NFASC: variants seen among roughly 807,000 people sequenced by gnomAD.
NFASC encodes the protein neurofascin, also known as neurofascin homolog.
NFASC carries 43 observed loss-of-function variants against 147.5 expected under a neutral mutation model. The ratio of observed to expected loss-of-function variants is 0.29; its 90% CI spans 0.23 to 0.38. The LOEUF (loss-of-function observed/expected upper bound fraction) is 0.38. NFASC is among the 10% of genes least tolerant of loss of function. The pLI, the probability that NFASC is intolerant of heterozygous loss-of-function variation, is 1.00. For synonymous variants in NFASC, 622 were observed against 665.5 expected (o/e 0.93, Z 1.01); for missense variants, 1,320 against 1,689.0 (o/e 0.78, Z 3.83).
At chr1:204,856,064 C>T (rs990651250) in intron 1 of NFASC, among the ~76,000 whole-genome samples, 5 of 152,190 alleles carry the variant, frequency 3.3e-5, no homozygotes, top group South Asian at 2.1e-4. Flanking sequence ...TTGGTGACAC[C>T]GCCAGTCCAC....
chr1:204,859,481 G>A (rs2076480953), intron 1 of NFASC, among the ~76,000 whole-genome samples: 1 of 152,208 alleles, frequency 6.6e-6, no homozygotes, highest in South Asian at 2.1e-4. Context: ...TATACTGTAA[G>A]CTCCATGGCA....
chr1:205,007,775 T>C (rs1230783397), intron 27 of NFASC, among the ~76,000 whole-genome samples: 1 of 151,486 alleles, frequency 6.6e-6, no homozygotes, highest in South Asian at 2.1e-4. Context: ...TGGTGGGAGG[T>C]AGGACTAGAG....
At chr1:204,946,367 C>T (rs749082444) in intron 3 of NFASC, 8 of 506,984 alleles carry the variant, frequency 1.6e-5, no homozygotes, top group Non-Finnish European at 2.8e-5. Flanking sequence ...AAGGAAGCGA[C>T]AGAGCCGGGA....
At chr1:204,977,556 G>A (rs998372564) in intron 16 of NFASC, 125 bp from the exon 17 acceptor site, 32 of 765,224 alleles carry the variant, frequency 4.2e-5, no homozygotes, top group Non-Finnish European at 6.6e-5. Flanking sequence ...GACGGGGACA[G>A]CCCTGCCTAG....
At chr1:204,908,959 C>T (rs190243592) in intron 1 of NFASC, among the ~76,000 whole-genome samples, 1 of 151,872 alleles carries the variant, frequency 6.6e-6, no homozygotes, top group East Asian at 1.9e-4. Context: ...TGTGGATCTA[C>T]CACAGTTTGT....
At position 204,959,937 on chromosome 1, in the gene NFASC, A is replaced by T. The variant is rs1418027059; in HGVS notation, c.706+2111A>T. Among the ~76,000 whole-genome samples the T allele has an allele frequency of 2.0e-5, 3 of 152,124 alleles. No individual in the cohort carries two copies. In the East Asian group the frequency reaches 5.8e-4, roughly 29 times the overall value. ...AACTCTTTCCTCCGAATGGCGAGAG[A>T]CCCCCTAGGTGATTGGAACAGAGCC... On this transcript the variant is annotated intron_variant, in intron 8 of 29. Coordinates refer to ENST00000339876, the MANE Select transcript of NFASC (RefSeq NM_001005388.3).
chr1:205,001,235 T>C lies in NFASC; in HGVS notation c.3085T>C (p.Trp1029Arg). The change falls in exon 26 of 30, where the codon TGG (tryptophan) becomes CGG (arginine). Residue 1029 changes from tryptophan to arginine, a missense_variant. Trp to Arg is a moderately radical substitution (Grantham distance 101). Coordinates refer to ENST00000339876, the MANE Select transcript of NFASC (RefSeq NM_001005388.3). ...CAACAGTAAATGGGCCAACATCACC[T>C]GGAAGCACAATTTCGGGCCCGGAAC... ...LPNSKWANIT[W>R]KHNFGPGTDF... 6.2e-7 allele frequency: 1 copy of C among 1,612,910 alleles called. No homozygotes were observed. The highest frequency in any genetic ancestry group is 8.5e-7 in the Non-Finnish European group (1 of 1,179,470).
Position 204,974,763 on chromosome 1 carries a change from A to C in NFASC, c.1498A>C (p.Thr500Pro). ...CCGCAAAGAGGACCAGGGCATCTAC[A>C]CCTGTGTCGCCACCAACATCCTGGG... ...MIRKEDQGIYTCVATNILGKA... is the reference protein window; with the variant it reads ...MIRKEDQGIYPCVATNILGKA... Residue 500 changes from threonine (T) to proline (P), a missense_variant, in exon 14 of 30, where the codon ACC (threonine) becomes CCC (proline). This residue lies in a region of NFASC where 981 missense variants were observed against 1,289.5 expected (regional missense o/e 0.76). Coordinates refer to ENST00000339876, the MANE Select transcript of NFASC (RefSeq NM_001005388.3). The C allele has an allele frequency of 6.2e-7, 1 of 1,614,242 alleles. No individual in the cohort carries two copies.
chr1:204,962,104 A>G, intron 8 of NFASC: 1 of 1,612,484 alleles, frequency 6.2e-7, no homozygotes, highest in Non-Finnish European at 8.5e-7. Flanking sequence ...TTTGTTTGTT[A>G]CAGACCACCC....
intron 29 of NFASC, among the ~76,000 whole-genome samples, chr1:205,014,149 C>G (rs2096301665): frequency 6.6e-6 from 1 of 152,194 alleles, no homozygotes; most frequent in Non-Finnish European, 1.5e-5. Context: ...GGCTGGGCAG[C>G]CTGTACTGCG....
chr1:204,898,151 G>A (rs2083763651), intron 1 of NFASC, among the ~76,000 whole-genome samples: 1 of 152,190 alleles, frequency 6.6e-6, no homozygotes, highest in African/African-American at 2.4e-5. Context: ...CCAGAGTGCT[G>A]GGATTACAAG....
rs550476692 is a variant in NFASC at position 204,920,058 on chromosome 1, C to G, written c.-199-574C>G. On this transcript the variant is annotated intron_variant, in intron 1 of 29. Transcript: ENST00000339876. ...TGATCCTGTCTATCATGCCTTCTCC[C>G]CATGTTACAGATTAAGAAATTGAGT... is the stretch of plus-strand genomic sequence containing the variant. 7.5e-4 allele frequency among the ~76,000 whole-genome samples: 114 copies of G among 152,312 alleles called. 1 individual carries two copies. Among genetic ancestry groups the G allele is most frequent in the Non-Finnish European group, 2.4e-4 (16 of 68,032 alleles).
chr1:204,997,485 C>G, intron 25 of NFASC, 79 bp downstream of exon 25: 1 of 1,501,132 alleles, frequency 6.7e-7, no homozygotes. Context: ...ACAGGCTCCC[C>G]CAGCGAGGAG....
At chr1:204,874,360 C>T (rs1012314197) in intron 1 of NFASC, among the ~76,000 whole-genome samples, 4 of 152,254 alleles carry the variant, frequency 2.6e-5, no homozygotes, top group East Asian at 1.9e-4. Context: ...GGCTGCCTTT[C>T]GCCCCATTTT....
At chr1:204,871,093 C>A in intron 1 of NFASC, 1 of 1,289,776 alleles carries the variant, frequency 7.8e-7, no homozygotes, top group Non-Finnish European at 1.0e-6. Context: ...ACTCTGCCCT[C>A]CCTCTTGGCC....
At position 205,021,764 on chromosome 1, in the gene NFASC, G is replaced by A. The variant is rs547078224; in HGVS notation, c.*5225G>A. ...ACATCCCCCACATGCCTCCCAAAATGAAAGACAAACAGGATTGTTTCTGAG... is the reference window on the plus strand; with the variant it reads ...ACATCCCCCACATGCCTCCCAAAATAAAAGACAAACAGGATTGTTTCTGAG... On this transcript the variant is annotated 3_prime_UTR_variant, in exon 30 of 30. Transcript: ENST00000339876. The A allele has an allele frequency of 3.3e-5, 5 of 153,276 alleles. No individual in the cohort carries two copies. Among genetic ancestry groups the A allele is most frequent in the African/African-American group, 1.2e-4 (5 of 41,552 alleles). 9.5% of individuals were successfully genotyped at this position (153,276 alleles called of 1,614,324 possible).
chr1:204,893,638 A>C (rs191609507), intron 1 of NFASC, among the ~76,000 whole-genome samples: 1 of 152,368 alleles, frequency 6.6e-6, no homozygotes, highest in African/African-American at 2.4e-5. Flanking sequence ...CATTATACAA[A>C]GAAGACGCAC....
intron 2 of NFASC, among the ~76,000 whole-genome samples, chr1:204,927,266 C>G (rs1476242480): frequency 6.6e-6 from 1 of 152,164 alleles, no homozygotes; most frequent in Non-Finnish European, 1.5e-5. Flanking sequence ...CCTAGGCAAC[C>G]ACTGATCTAT....
intron 1 of NFASC, among the ~76,000 whole-genome samples, chr1:204,843,662 TCCTC>T (rs144148978): frequency 0.17 from 20,169 of 119,748 alleles, 2,192 homozygotes; most frequent in East Asian, 0.5. Context: ...CTCCCTTCCT[TCCTC>T]CCTCCCTTCC....
Sources: allele counts gnomAD v4.1 joint callset (sites outside exome capture counted in the v4.1 genomes callset), GRCh38; gene constraint gnomAD v4.1.1; regional missense constraint gnomAD v4.1.1; transcripts MANE v1.5; gene names NCBI Gene and HGNC (gene_info 2026-07-23, HGNC 2026-07-21).